The following MARCO variants were observed in gnomAD, a reference collection of about 807,000 sequenced individuals.
The protein encoded by MARCO is macrophage receptor MARCO.
Under a neutral mutation model 70.0 loss-of-function variants are expected in MARCO, and 72 were observed. That is an observed-to-expected ratio of 1.03 (90% CI 0.85 to 1.25). The LOEUF (loss-of-function observed/expected upper bound fraction) is 1.25, where lower values mean the gene tolerates loss of function less well. Among genes scored for constraint, MARCO ranks in the 50% most tolerant of loss-of-function variants. The pLI is 0.00. For synonymous variants in MARCO, 273 were observed against 243.1 expected (o/e 1.12, Z -1.14); for missense variants, 696 against 659.3 (o/e 1.06, Z -0.61).
At chr2:118,945,574 G>A (rs1000380601) in intron 1 of MARCO, among the ~76,000 whole-genome samples, 5 of 151,712 alleles carry the variant, frequency 3.3e-5, no homozygotes, top group Admixed American at 1.3e-4. Flanking sequence ...CACCATGCCC[G>A]GCTAACTTTT....
chr2:118,951,813 GTCTC>G (rs965280332), intron 1 of MARCO, among the ~76,000 whole-genome samples: 2 of 151,886 alleles, frequency 1.3e-5, no homozygotes, highest in East Asian at 1.9e-4. Flanking sequence ...CCTTGACTCT[GTCTC>G]TCTCTCTCTT....
At chr2:118,956,614 G>T (rs1679842412) in intron 1 of MARCO, among the ~76,000 whole-genome samples, 1 of 152,056 alleles carries the variant, frequency 6.6e-6, no homozygotes, top group African/African-American at 2.4e-5. Context: ...AGAAACAATG[G>T]ATTTAAACTA....
chr2:118,970,455 G>A (rs1442263881), intron 3 of MARCO, 117 bp downstream of exon 3: 9 of 749,958 alleles, frequency 1.2e-5, no homozygotes, highest in Non-Finnish European at 1.8e-5. Context: ...CAAGAGCCAG[G>A]GACTTAGAGC....
At chr2:118,962,909 T>C (rs938484999) in intron 1 of MARCO, among the ~76,000 whole-genome samples, 1 of 152,058 alleles carries the variant, frequency 6.6e-6, no homozygotes, top group African/African-American at 2.4e-5. Flanking sequence ...TATTTTCTTA[T>C]TTTCTTTTTA....
At chr2:118,952,918 AGCAAG>A (rs1339377819) in intron 1 of MARCO, 1 of 152,234 alleles carries the variant, frequency 6.6e-6, no homozygotes, top group Admixed American at 6.5e-5. Context: ...AAGATCTCTC[AGCAAG>A]GCCATCTTTA....
chr2:118,979,835 A>G (rs10204875), intron 8 of MARCO, among the ~76,000 whole-genome samples: 7,996 of 152,226 alleles, frequency 0.053, 692 homozygotes, highest in African/African-American at 0.18. Context: ...CCTGACCCCA[A>G]TAGTGCTGAG....
chr2:118,950,391 A>G (rs1004949603), intron 1 of MARCO, among the ~76,000 whole-genome samples: 2 of 152,330 alleles, frequency 1.3e-5, no homozygotes, highest in South Asian at 2.1e-4. Flanking sequence ...ACTTTAGCCA[A>G]TATGTTTACA....
chr2:118,977,498 G>A lies in MARCO; in HGVS notation c.641G>A (p.Gly214Glu). 6.2e-7 allele frequency: 1 copy of A among 1,614,002 alleles called. No homozygotes were observed. The change falls in exon 7 of 17, where the codon GGG becomes GAG. Residue 214 changes from glycine (G) to glutamate (E), a missense_variant. Physicochemically the swap from Gly to Glu is moderately conservative, Grantham distance 98 (BLOSUM62 -2). Around this residue, in one of 3 missense-constraint regions of MARCO, gnomAD observed 605 missense variants for 537.6 expected, o/e 1.13. Coordinates refer to ENST00000327097, the MANE Select transcript of MARCO (RefSeq NM_006770.4). ...AGLQGPQGAP[G>E]KQGATGTPGP... ...CTCCAAGGACCCCAGGGTGCTCCAG[G>A]GAAGCAAGGAGCCACTGGTAACTTG...
chr2:118,982,690 T>G (rs113075016), intron 12 of MARCO, among the ~76,000 whole-genome samples: 7 of 152,120 alleles, frequency 4.6e-5, no homozygotes, highest in African/African-American at 1.7e-4. Context: ...CCATACCATC[T>G]CCCTGGTCTG....
Position 118,994,616 on chromosome 2 carries a change from G to T in MARCO, c.*96G>T. The stretch of plus-strand genomic sequence containing the variant: ...TGAGGAGTTCCCTGGGGACAACTGA[G>T]CAGCCTCTGGAGAGGGGCCATTAAT... On this transcript the variant is annotated 3_prime_UTR_variant, in exon 17 of 17. Transcript: ENST00000327097. The T allele has an allele frequency of 1.5e-6, 2 of 1,292,010 alleles. No individual in the cohort carries two copies. The highest frequency in any genetic ancestry group is 1.1e-6 in the Non-Finnish European group (1 of 947,984). The allele number at this position is 1,292,010 out of a possible 1,614,324, so 80.0% of individuals were successfully genotyped here.
At chr2:118,991,461 G>A (rs139661534) in intron 13 of MARCO, among the ~76,000 whole-genome samples, 3 of 152,176 alleles carry the variant, frequency 2.0e-5, no homozygotes, top group Non-Finnish European at 2.9e-5. Flanking sequence ...AGGAGACATC[G>A]AGGCTTAGAA....
intron 1 of MARCO, among the ~76,000 whole-genome samples, chr2:118,945,404 CTTTT>C (rs55684033): frequency 0.034 from 4,158 of 123,080 alleles, 147 homozygotes; most frequent in East Asian, 0.13. Context: ...CCTCTTGTTT[CTTTT>C]TTTTTTTTTT....
At chr2:118,942,520 T>C (rs2077344) in intron 1 of MARCO, 123 bp downstream of exon 1, 438,166 of 711,290 alleles carry the variant, frequency 0.62, 137,373 homozygotes, top group Non-Finnish European at 0.64. Context: ...TTGCACGTAA[T>C]CATCACTAAT....
At chr2:118,979,007 A>G (rs1223275024) in intron 8 of MARCO, among the ~76,000 whole-genome samples, 1 of 152,166 alleles carries the variant, frequency 6.6e-6, no homozygotes, top group African/African-American at 2.4e-5. Flanking sequence ...CTCTCCTAGA[A>G]AAGGGAGCTA....
At chr2:118,968,199 A>G (rs985895861) in intron 1 of MARCO, among the ~76,000 whole-genome samples, 1 of 152,124 alleles carries the variant, frequency 6.6e-6, no homozygotes, top group African/African-American at 2.4e-5. Flanking sequence ...ATACCCCTAA[A>G]CAAGACAGAG....
intron 1 of MARCO, among the ~76,000 whole-genome samples, chr2:118,966,458 C>A (rs780661750): frequency 6.6e-6 from 1 of 152,154 alleles, no homozygotes; most frequent in African/African-American, 2.4e-5. Flanking sequence ...CTAAAGACTT[C>A]ATCAGACCCT....
At position 118,974,441 on chromosome 2, in the gene MARCO, G is replaced by T. The variant is rs986113549; in HGVS notation, c.568+1G>T. On this transcript the variant is annotated splice_donor_variant, in intron 5 of 16. Transcript: ENST00000327097. LOFTEE classifies it high-confidence loss of function. ...GCTATGGGACGAGATGGAGCAACAGGTACGGGTCTTTTTCTTCTGACCCTT... is the reference window on the plus strand; with the variant it reads ...GCTATGGGACGAGATGGAGCAACAGTTACGGGTCTTTTTCTTCTGACCCTT... 1 of 1,612,708 alleles carries T rather than the reference G, an allele frequency of 6.2e-7. No individual in the cohort carries two copies. Among genetic ancestry groups the T allele is most frequent in the East Asian group, 2.2e-5 (1 of 44,842 alleles).
intron 11 of MARCO, 31 bp downstream of exon 11, chr2:118,982,285 G>A (rs1680408860): frequency 1.9e-6 from 3 of 1,612,300 alleles, no homozygotes; most frequent in African/African-American, 2.7e-5. Flanking sequence ...GTGGGCACAG[G>A]GAGTGATGTG....
intron 1 of MARCO, among the ~76,000 whole-genome samples, chr2:118,956,365 C>T (rs562088829): frequency 1.3e-5 from 2 of 152,266 alleles, no homozygotes; most frequent in South Asian, 4.1e-4. Context: ...ACAAAACAAT[C>T]TTTAAAGTAA....
Sources: gnomAD v4.1 joint callset for allele counts (sites outside exome capture counted in the v4.1 genomes callset) on GRCh38, gnomAD v4.1.1 for gene constraint, gnomAD v4.1.1 regional missense constraint, MANE v1.5 for transcripts, NCBI Gene and HGNC (gene_info 2026-07-23, HGNC 2026-07-21) for gene names.